TNFRSF19: variants seen among roughly 807,000 people sequenced by gnomAD.
TNFRSF19 encodes TNF receptor superfamily member 19, also known as tumor necrosis factor receptor superfamily member 19.
Under a neutral mutation model 46.4 loss-of-function variants are expected in TNFRSF19, and 27 were observed. The observed-to-expected ratio is 0.58, with a 90% CI of 0.43 to 0.80. The LOEUF is 0.80. TNFRSF19 is among the 30% of genes least tolerant of loss of function. The pLI is 0.00. For synonymous variants in TNFRSF19, 204 were observed against 205.0 expected (o/e 1.00, Z 0.04); for missense variants, 511 against 530.8 (o/e 0.96, Z 0.37).
intron 7 of TNFRSF19, among the ~76,000 whole-genome samples, chr13:23,667,319 G>T (rs1231744053): frequency 6.6e-6 from 1 of 152,098 alleles, no homozygotes; most frequent in Non-Finnish European, 1.5e-5. Flanking sequence ...GATATATTCA[G>T]CTTGTAAAGC....
chr13:23,610,908 G>C (rs575729769), intron 3 of TNFRSF19, among the ~76,000 whole-genome samples: 60 of 152,094 alleles, frequency 3.9e-4, no homozygotes, highest in Middle Eastern at 6.8e-3. Flanking sequence ...GAAGTACTGC[G>C]TACTTCCTTC....
intron 4 of TNFRSF19, among the ~76,000 whole-genome samples, chr13:23,625,942 G>A (rs942997376): frequency 5.3e-5 from 8 of 152,066 alleles, no homozygotes; most frequent in African/African-American, 1.7e-4. Context: ...TAATTGTGTC[G>A]TGCTTTTCAG....
At chr13:23,618,980 A>G (rs1315806564) in intron 4 of TNFRSF19, among the ~76,000 whole-genome samples, 1 of 152,216 alleles carries the variant, frequency 6.6e-6, no homozygotes, top group Non-Finnish European at 1.5e-5. Context: ...AGAGTGCAGC[A>G]GAAAGGCCCT....
intron 5 of TNFRSF19, among the ~76,000 whole-genome samples, chr13:23,642,936 G>A (rs1000332227): frequency 9.2e-5 from 14 of 152,176 alleles, no homozygotes; most frequent in Admixed American, 5.2e-4. Context: ...TTACCACATC[G>A]ATTCTGCAAA....
At chr13:23,604,268 A>C (rs199510219) in intron 3 of TNFRSF19, among the ~76,000 whole-genome samples, 1 of 137,866 alleles carries the variant, frequency 7.3e-6, no homozygotes, top group Non-Finnish European at 1.6e-5. Flanking sequence ...CACCCCCCCC[A>C]AAATAAAATA....
intron 3 of TNFRSF19, among the ~76,000 whole-genome samples, chr13:23,596,025 C>T (rs756425009): frequency 8.5e-5 from 13 of 152,158 alleles, no homozygotes; most frequent in African/African-American, 2.6e-4. Context: ...TCATAAGTGA[C>T]GGAGAAATAA....
chr13:23,614,572 G>A lies in TNFRSF19; in HGVS notation c.181-1295G>A, dbSNP rs572007594. Among the ~76,000 whole-genome samples, 4 of 152,242 alleles carry A rather than the reference G, an allele frequency of 2.6e-5. No homozygotes were observed. The East Asian group carries it at 7.7e-4, about 29-fold the overall frequency. Reference sequence around the variant, plus strand: ...AGCCTTTCTTCCTCTGCAGCATCCAGTCTGCATTTGTGGGCATGCCCAGCC... The same window carrying A: ...AGCCTTTCTTCCTCTGCAGCATCCAATCTGCATTTGTGGGCATGCCCAGCC... On this transcript the variant is annotated intron_variant, in intron 3 of 9. Transcript: ENST00000248484.
At chr13:23,574,895 A>G (rs1248056606) in intron 1 of TNFRSF19, among the ~76,000 whole-genome samples, 3 of 152,376 alleles carry the variant, frequency 2.0e-5, no homozygotes, top group Non-Finnish European at 4.4e-5. Flanking sequence ...TTAAGTAGGT[A>G]GTTTAAAACC....
At chr13:23,597,415 A>G (rs1326927810) in intron 3 of TNFRSF19, among the ~76,000 whole-genome samples, 1 of 152,224 alleles carries the variant, frequency 6.6e-6, no homozygotes, top group East Asian at 1.9e-4. Context: ...TAAAGGGGAT[A>G]TCACCACTGA....
At chr13:23,617,589 C>A (rs558068350) in intron 4 of TNFRSF19, among the ~76,000 whole-genome samples, 33 of 152,218 alleles carry the variant, frequency 2.2e-4, no homozygotes, top group Middle Eastern at 3.4e-3. Flanking sequence ...AGTTACTGAC[C>A]AAAGACAGAA....
intron 4 of TNFRSF19, among the ~76,000 whole-genome samples, chr13:23,617,633 AC>A (rs1057467255): frequency 6.6e-6 from 1 of 152,218 alleles, no homozygotes; most frequent in Admixed American, 6.5e-5. Flanking sequence ...AGCATCAGAA[AC>A]CAGTCTGTAT....
intron 1 of TNFRSF19, among the ~76,000 whole-genome samples, chr13:23,573,411 C>T (rs762080090): frequency 2.0e-5 from 3 of 152,028 alleles, no homozygotes; most frequent in African/African-American, 7.2e-5. Flanking sequence ...TAATTTAACA[C>T]GTAAAATAAT....
chr13:23,580,202 T>C (rs531713324), intron 1 of TNFRSF19, among the ~76,000 whole-genome samples: 1 of 152,366 alleles, frequency 6.6e-6, no homozygotes, highest in African/African-American at 2.4e-5. Flanking sequence ...TTCTGTGATC[T>C]GTTTTGATGG....
intron 1 of TNFRSF19, among the ~76,000 whole-genome samples, chr13:23,578,681 T>C (rs1028203370): frequency 5.3e-5 from 8 of 152,250 alleles, no homozygotes; most frequent in African/African-American, 1.9e-4. Context: ...GCTTGCACTT[T>C]TACAGCATTC....
At chr13:23,669,221 G>A (rs3751361) in intron 9 of TNFRSF19, 124 bp downstream of exon 9, 416,423 of 1,436,320 alleles carry the variant, frequency 0.29, 63,555 homozygotes, top group Non-Finnish European at 0.32. Flanking sequence ...ATAATTTCTT[G>A]TATGTTGTAG....
In TNFRSF19 at chr13:23,581,299, C is replaced by A. The variant is rs570367925; in HGVS notation, c.-34-8851C>A. Among the ~76,000 whole-genome samples, 209 of 152,196 alleles carry A rather than the reference C, an allele frequency of 1.4e-3. 2 individuals are homozygous for A. The highest frequency in any genetic ancestry group is 4.8e-3 in the African/African-American group (199 of 41,536). ...TAGCTGGGACTACAGGCGCCCGCCA[C>A]CACACCCGGCTAATTTTTTTGTATT... On this transcript the variant is annotated intron_variant, in intron 1 of 9. Transcript: ENST00000248484.
intron 5 of TNFRSF19, among the ~76,000 whole-genome samples, chr13:23,648,300 T>C (rs1883443164): frequency 6.6e-6 from 1 of 152,206 alleles, no homozygotes; most frequent in Non-Finnish European, 1.5e-5. Context: ...ACAAGTCTTG[T>C]ACCTCCTTTG....
intron 3 of TNFRSF19, among the ~76,000 whole-genome samples, chr13:23,606,146 A>T (rs1880495385): frequency 6.6e-6 from 1 of 152,166 alleles, no homozygotes; most frequent in Non-Finnish European, 1.5e-5. Context: ...GAAATACTCC[A>T]TCTTCTGAGA....
At chr13:23,662,896 T>A (rs1395001333) in intron 7 of TNFRSF19, among the ~76,000 whole-genome samples, 2 of 152,224 alleles carry the variant, frequency 1.3e-5, no homozygotes, top group African/African-American at 4.8e-5. Flanking sequence ...AGGTTGTTTA[T>A]CAGCTGAAGA....
Sources: allele counts gnomAD v4.1 joint callset (sites outside exome capture counted in the v4.1 genomes callset), GRCh38; gene constraint gnomAD v4.1.1; transcripts MANE v1.5; gene names NCBI Gene and HGNC (gene_info 2026-07-23, HGNC 2026-07-21).